The following PRKCE variants were observed in gnomAD, a reference collection of about 807,000 sequenced individuals.
PRKCE encodes the protein protein kinase C epsilon type.
In PRKCE, 16 loss-of-function variants were observed where a neutral mutation model predicts 85.4. The ratio of observed to expected loss-of-function variants is 0.19; its 90% CI spans 0.13 to 0.28. PRKCE has a LOEUF of 0.28. PRKCE is among the 10% of genes least tolerant of loss of function. The pLI is 1.00. For missense variants in PRKCE, 573 were observed against 975.2 expected (o/e 0.59, Z 5.49); for synonymous variants, 388 against 371.5 (o/e 1.04, Z -0.51).
At chr2:45,885,001 A>ATATTTTTT (rs1342824133) in intron 2 of PRKCE, among the ~76,000 whole-genome samples, 1 of 71,540 alleles carries the variant, frequency 1.4e-5, no homozygotes, top group African/African-American at 5.8e-5. Flanking sequence ...ATATATATAT[A>ATATTTTTT]TTTGTTGTTG....
intron 10 of PRKCE, among the ~76,000 whole-genome samples, chr2:46,079,798 G>A (rs1007382522): frequency 2.6e-5 from 4 of 152,204 alleles, no homozygotes; most frequent in East Asian, 3.8e-4. Flanking sequence ...AACAGGGCAG[G>A]CCTAGTTTTC....
chr2:46,182,789 C>T (rs565447172), intron 14 of PRKCE, among the ~76,000 whole-genome samples: 62 of 152,360 alleles, frequency 4.1e-4, no homozygotes, highest in Non-Finnish European at 7.9e-4. Flanking sequence ...ACAGCTGTCT[C>T]CACCCATGCT....
At chr2:45,925,003 T>C (rs1416198612) in intron 2 of PRKCE, among the ~76,000 whole-genome samples, 1 of 152,090 alleles carries the variant, frequency 6.6e-6, no homozygotes, top group Non-Finnish European at 1.5e-5. Context: ...CCAGAGTTCT[T>C]AATAGGTTCA....
chr2:46,172,020 C>A (rs910085052), intron 14 of PRKCE, among the ~76,000 whole-genome samples: 1 of 152,218 alleles, frequency 6.6e-6, no homozygotes, highest in African/African-American at 2.4e-5. Flanking sequence ...GCAGCAGACA[C>A]GTCCCTTGAG....
At chr2:45,717,044 GAT>G (rs1680185442) in intron 1 of PRKCE, among the ~76,000 whole-genome samples, 1 of 3,962 alleles carries the variant, frequency 2.5e-4, no homozygotes, top group Non-Finnish European at 4.0e-4. Flanking sequence ...GGTACTACAA[GAT>G]GAGATGAGAT....
chr2:46,016,464 G>A (rs1222289113), intron 10 of PRKCE, among the ~76,000 whole-genome samples: 1 of 152,176 alleles, frequency 6.6e-6, no homozygotes, highest in Non-Finnish European at 1.5e-5. Flanking sequence ...TTCATTCTGT[G>A]TGATAAAGGA....
intron 2 of PRKCE, among the ~76,000 whole-genome samples, chr2:45,902,017 T>C (rs774949106): frequency 5.3e-5 from 8 of 152,240 alleles, no homozygotes; most frequent in Non-Finnish European, 1.0e-4. Context: ...TCTGAATTTC[T>C]AGGTTGTAGA....
intron 2 of PRKCE, among the ~76,000 whole-genome samples, chr2:45,931,117 A>G (rs374757299): frequency 1.1e-4 from 16 of 152,208 alleles, no homozygotes; most frequent in African/African-American, 3.4e-4. Context: ...TCATGCTTCA[A>G]AGTCTAAGCT....
chr2:45,883,025 A>G (rs1056381756), intron 2 of PRKCE, among the ~76,000 whole-genome samples: 3 of 152,240 alleles, frequency 2.0e-5, no homozygotes, highest in African/African-American at 7.2e-5. Context: ...CTACTCAAAT[A>G]CTTGGCACTC....
intron 2 of PRKCE, among the ~76,000 whole-genome samples, chr2:45,956,409 G>T (rs561180951): frequency 6.6e-6 from 1 of 152,236 alleles, no homozygotes; most frequent in Admixed American, 6.5e-5. Context: ...GCTGGATGCA[G>T]TGGGTCACGC....
intron 1 of PRKCE, among the ~76,000 whole-genome samples, chr2:45,835,083 C>T (rs540192931): frequency 6.6e-6 from 1 of 152,294 alleles, no homozygotes; most frequent in South Asian, 2.1e-4. Flanking sequence ...CACGCCTACA[C>T]AGGTAGGTGT....
intron 1 of PRKCE, among the ~76,000 whole-genome samples, chr2:45,831,178 G>T (rs1690393494): frequency 1.3e-5 from 2 of 152,194 alleles, no homozygotes; most frequent in African/African-American, 2.4e-5. Flanking sequence ...TAGATGCTAG[G>T]TATATTAGCC....
rs115856571 is a variant in PRKCE, at chr2:45,785,224, C to T, written c.349-57776C>T. Among the ~76,000 whole-genome samples the T allele has an allele frequency of 4.3e-3, 651 of 152,222 alleles. 5 individuals carry two copies. The highest frequency in any genetic ancestry group is 0.011 in the Admixed American group (173 of 15,304). On this transcript the variant is annotated intron_variant, in intron 1 of 14. Transcript: ENST00000306156. ...GAAAAAAAGAGGCCAGGCACGGTGGCGCACACCTTTAATTCCAGCACTTTG... is the reference window on the plus strand; with the variant it reads ...GAAAAAAAGAGGCCAGGCACGGTGGTGCACACCTTTAATTCCAGCACTTTG...
intron 10 of PRKCE, among the ~76,000 whole-genome samples, chr2:46,081,145 C>T (rs998864301): frequency 3.9e-5 from 6 of 152,124 alleles, no homozygotes; most frequent in African/African-American, 1.4e-4. Context: ...GCGTGCACCA[C>T]GATGCCTGGC....
rs139564853 is a variant in PRKCE at position 46,090,347 on chromosome 2, C to T, written c.1592+3985C>T. 1.1e-4 allele frequency among the ~76,000 whole-genome samples: 17 copies of T among 152,288 alleles called. No individual in the cohort carries two copies. The East Asian group carries it at 3.1e-3, about 28-fold the overall frequency. ...TGAGCGGCCTCCCCTGACTCCCTCC[C>T]CTAGTGGGATCATGCCTCCCTGAGC... On this transcript the variant is annotated intron_variant, in intron 11 of 14. Transcript: ENST00000306156.
chr2:46,010,107 A>G (rs1466141839), intron 9 of PRKCE, among the ~76,000 whole-genome samples: 1 of 152,216 alleles, frequency 6.6e-6, no homozygotes, highest in Non-Finnish European at 1.5e-5. Flanking sequence ...TTATGTATAC[A>G]TCTTGAGAGG....
intron 2 of PRKCE, among the ~76,000 whole-genome samples, chr2:45,880,007 C>T (rs1203296476): frequency 6.6e-6 from 1 of 152,060 alleles, no homozygotes; most frequent in East Asian, 1.9e-4. Flanking sequence ...TAACAAATCT[C>T]TTCCAAAACC....
At chr2:45,687,355 T>G (rs996002963) in intron 1 of PRKCE, among the ~76,000 whole-genome samples, 2 of 152,152 alleles carry the variant, frequency 1.3e-5, no homozygotes, top group Non-Finnish European at 2.9e-5. Flanking sequence ...CTCTTAAATA[T>G]ACAGAAAGAT....
At chr2:45,709,530 C>T (rs1362182008) in intron 1 of PRKCE, among the ~76,000 whole-genome samples, 2 of 152,234 alleles carry the variant, frequency 1.3e-5, no homozygotes, top group African/African-American at 2.4e-5. Context: ...AGCTTTAGTA[C>T]AGACTATGCT....
Sources: gnomAD v4.1 joint callset for allele counts (sites outside exome capture counted in the v4.1 genomes callset) on GRCh38, gnomAD v4.1.1 for gene constraint, MANE v1.5 for transcripts, NCBI Gene and HGNC (gene_info 2026-07-23, HGNC 2026-07-21) for gene names.